Variants in TRABD2B observed in about 807,000 individuals in gnomAD.
TRABD2B encodes the protein TraB domain containing 2B.
A neutral mutation model predicts 40.1 loss-of-function variants in TRABD2B; 14 were observed. The observed-to-expected ratio is 0.35, with a 90% CI of 0.23 to 0.55. TRABD2B has a LOEUF of 0.55. Among genes scored for constraint, TRABD2B ranks in the 20% least tolerant of loss-of-function variants. TRABD2B has a pLI of 0.90. For missense variants in TRABD2B, 541 were observed against 648.6 expected (o/e 0.83, Z 1.80); for synonymous variants, 263 against 277.0 (o/e 0.95, Z 0.50).
At chr1:47,888,531 C>T (rs1436113111) in intron 2 of TRABD2B, among the ~76,000 whole-genome samples, 2 of 152,192 alleles carry the variant, frequency 1.3e-5, no homozygotes, top group Non-Finnish European at 2.9e-5. Context: ...TACCTCCTGT[C>T]CCTTCTTCAG....
chr1:47,832,228 G>C (rs923299808), intron 2 of TRABD2B, among the ~76,000 whole-genome samples: 2 of 152,154 alleles, frequency 1.3e-5, no homozygotes, highest in Non-Finnish European at 2.9e-5. Context: ...AGCTACTTGG[G>C]AGGCTGAGGC....
At chr1:47,830,172 G>A (rs1010409379) in intron 2 of TRABD2B, among the ~76,000 whole-genome samples, 3 of 152,166 alleles carry the variant, frequency 2.0e-5, no homozygotes, top group Non-Finnish European at 4.4e-5. Flanking sequence ...CCTCCCAGAT[G>A]GGACCTCCCT....
At chr1:47,914,672 G>A (rs954728773) in intron 2 of TRABD2B, among the ~76,000 whole-genome samples, 4 of 152,174 alleles carry the variant, frequency 2.6e-5, no homozygotes, top group Non-Finnish European at 4.4e-5. Context: ...CAAATCTTCC[G>A]GGGTGTCTGG....
intron 2 of TRABD2B, among the ~76,000 whole-genome samples, chr1:47,870,561 C>T (rs1415154692): frequency 2.0e-5 from 3 of 152,164 alleles, no homozygotes; most frequent in Admixed American, 6.5e-5. Flanking sequence ...CTCATGCGCA[C>T]GTCCCCTCCT....
chr1:47,798,056 G>A (rs1175360093), intron 3 of TRABD2B, among the ~76,000 whole-genome samples: 1 of 152,150 alleles, frequency 6.6e-6, no homozygotes, highest in East Asian at 1.9e-4. Context: ...CCATGAGCCG[G>A]GCCCTGTGTT....
chr1:47,981,616 C>T lies in TRABD2B; in HGVS notation c.666+12418G>A, dbSNP rs1019227188. 3.3e-5 allele frequency among the ~76,000 whole-genome samples: 5 copies of T among 152,196 alleles called. No individual in the cohort carries two copies. The East Asian group carries it at 7.7e-4, about 23-fold the overall frequency. On this transcript the variant is annotated intron_variant, in intron 2 of 6. Transcript: ENST00000606738. ...CCCCTTCCCCACTAGCCCCATATACCTCTCTGAACCCTCAGGATCTGGAAC... is the reference window on the plus strand; with the variant it reads ...CCCCTTCCCCACTAGCCCCATATACTTCTCTGAACCCTCAGGATCTGGAAC...
At chr1:47,860,134 T>C (rs1192977625) in intron 2 of TRABD2B, among the ~76,000 whole-genome samples, 1 of 152,186 alleles carries the variant, frequency 6.6e-6, no homozygotes, top group Non-Finnish European at 1.5e-5. Flanking sequence ...CTTTCATTCC[T>C]GGAGAACTAA....
chr1:47,957,144 C>T (rs2148396744), intron 2 of TRABD2B, among the ~76,000 whole-genome samples: 2 of 152,324 alleles, frequency 1.3e-5, no homozygotes, highest in South Asian at 2.1e-4. Flanking sequence ...AGCTGAAGGT[C>T]CTGACTGTTA....
intron 4 of TRABD2B, among the ~76,000 whole-genome samples, chr1:47,792,734 C>T (rs1217124043): frequency 6.6e-6 from 1 of 152,110 alleles, no homozygotes; most frequent in Non-Finnish European, 1.5e-5. Context: ...GGTAGCTACC[C>T]CCAGCCCTGG....
At chr1:47,799,142 G>A (rs1052949703) in intron 3 of TRABD2B, among the ~76,000 whole-genome samples, 2 of 152,198 alleles carry the variant, frequency 1.3e-5, no homozygotes, top group African/African-American at 4.8e-5. Flanking sequence ...TTCTCCTGAG[G>A]TCACCTCATG....
chr1:47,930,093 T>C lies in TRABD2B; in HGVS notation c.666+63941A>G, dbSNP rs575482162. Among the ~76,000 whole-genome samples, 137 of 152,264 alleles carry C rather than the reference T, an allele frequency of 9.0e-4. 2 individuals are homozygous for C. Among genetic ancestry groups the C allele is most frequent in the African/African-American group, 2.5e-3 (104 of 41,556 alleles). ...CAGGCCCAGCCAGGGAGGTGCCCAGTTCTGGAGTGGAGGCTGTGGGGAACA... is the reference window on the plus strand; with the variant it reads ...CAGGCCCAGCCAGGGAGGTGCCCAGCTCTGGAGTGGAGGCTGTGGGGAACA... On this transcript the variant is annotated intron_variant, in intron 2 of 6. Transcript: ENST00000606738.
intron 2 of TRABD2B, among the ~76,000 whole-genome samples, chr1:47,926,560 T>C (rs2124750246): frequency 6.6e-6 from 1 of 152,242 alleles, no homozygotes; most frequent in South Asian, 2.1e-4. Context: ...AACCCCTCCC[T>C]TGGCATCCAC....
At chr1:47,948,230 C>A (rs1645287044) in intron 2 of TRABD2B, among the ~76,000 whole-genome samples, 2 of 151,964 alleles carry the variant, frequency 1.3e-5, no homozygotes, top group Non-Finnish European at 2.9e-5. Context: ...GTGCTGTTAT[C>A]CTGAGGGCAT....
At chr1:47,812,631 A>AT (rs1644980739) in intron 2 of TRABD2B, among the ~76,000 whole-genome samples, 2 of 152,208 alleles carry the variant, frequency 1.3e-5, no homozygotes, top group Non-Finnish European at 2.9e-5. Context: ...AGGTGAGAGG[A>AT]TTGCCTGAGG....
chr1:47,911,878 G>T (rs533953792), intron 2 of TRABD2B, among the ~76,000 whole-genome samples: 2 of 152,238 alleles, frequency 1.3e-5, no homozygotes, highest in Non-Finnish European at 2.9e-5. Context: ...TGTGTGACAC[G>T]CAGGTTTCAT....
intron 2 of TRABD2B, among the ~76,000 whole-genome samples, chr1:47,841,646 G>A (rs1402654086): frequency 6.6e-6 from 1 of 152,146 alleles, no homozygotes; most frequent in African/African-American, 2.4e-5. Flanking sequence ...GGAGGCACAA[G>A]CCAGGGACTA....
At chr1:47,824,334 G>A (rs1018280148) in intron 2 of TRABD2B, among the ~76,000 whole-genome samples, 8 of 152,154 alleles carry the variant, frequency 5.3e-5, no homozygotes, top group Non-Finnish European at 1.0e-4. Context: ...TTTCAGCAAC[G>A]TGAGTTACCA....
chr1:47,945,482 G>A (rs1335695625), intron 2 of TRABD2B, among the ~76,000 whole-genome samples: 1 of 152,092 alleles, frequency 6.6e-6, no homozygotes, highest in Non-Finnish European at 1.5e-5. Context: ...GTATGGTTCT[G>A]TGAGTTTTGA....
In TRABD2B at chr1:47,855,055, C is replaced by T. The variant is rs535333079; in HGVS notation, c.667-53436G>A. Among the ~76,000 whole-genome samples the T allele has an allele frequency of 3.9e-5, 6 of 152,268 alleles. No homozygotes were observed. The South Asian group carries it at 1.2e-3, about 32-fold the overall frequency. On this transcript the variant is annotated intron_variant, in intron 2 of 6. Transcript: ENST00000606738. ...TGGCTCAGAGTACCTTGGCACTGAG[C>T]TGAAACTTCAGAGGCCCTTAGACTG...
Sources: gnomAD v4.1 joint callset for allele counts (sites outside exome capture counted in the v4.1 genomes callset) on GRCh38, gnomAD v4.1.1 for gene constraint, MANE v1.5 for transcripts, NCBI Gene and HGNC (gene_info 2026-07-23, HGNC 2026-07-21) for gene names.